Variants in RSPH9 observed in about 807,000 individuals in gnomAD.
The protein encoded by RSPH9 is radial spoke head protein 9 homolog.
A neutral mutation model predicts 27.0 loss-of-function variants in RSPH9; 27 were observed. That is an observed-to-expected ratio of 1.00 (90% CI 0.74 to 1.38). The LOEUF is 1.38. RSPH9 is among the 40% of genes most tolerant of loss of function. RSPH9 has a pLI of 0.00. For synonymous variants in RSPH9, 145 were observed against 147.7 expected, an observed-to-expected ratio of 0.98 and a Z score of 0.13; for missense variants, 347 against 357.4, an observed-to-expected ratio of 0.97 and a Z score of 0.24.
At chr6:43,669,103 AG>A (rs1773439904) in intron 4 of RSPH9, among the ~76,000 whole-genome samples, 1 of 152,218 alleles carries the variant, frequency 6.6e-6, no homozygotes, top group Non-Finnish European at 1.5e-5. Flanking sequence ...TTTAAGAGTC[AG>A]GGGAAATACT....
At chr6:43,651,372 G>A (rs1177082002) in intron 2 of RSPH9, among the ~76,000 whole-genome samples, 4 of 152,048 alleles carry the variant, frequency 2.6e-5, no homozygotes, top group Non-Finnish European at 4.4e-5. Flanking sequence ...GTACTCTGGG[G>A]TCAGGGAATG....
At chr6:43,647,790 C>A (rs970841381) in intron 1 of RSPH9, among the ~76,000 whole-genome samples, 1 of 152,188 alleles carries the variant, frequency 6.6e-6, no homozygotes, top group Non-Finnish European at 1.5e-5. Flanking sequence ...TGCTGAGCAC[C>A]TACTATGTGC....
intron 1 of RSPH9, among the ~76,000 whole-genome samples, chr6:43,648,270 A>G (rs898077444): frequency 7.8e-6 from 1 of 128,022 alleles, no homozygotes; most frequent in Non-Finnish European, 1.7e-5. Flanking sequence ...ACTCTGTCTC[A>G]AAAAAAAAAA....
chr6:43,666,853 T>C (rs985707205), intron 4 of RSPH9, among the ~76,000 whole-genome samples: 2 of 152,204 alleles, frequency 1.3e-5, no homozygotes, highest in African/African-American at 4.8e-5. Context: ...GTTCAAGCAA[T>C]TCTCCTGCCT....
chr6:43,645,941 C>T (rs564313597), intron 1 of RSPH9, among the ~76,000 whole-genome samples: 3 of 152,114 alleles, frequency 2.0e-5, no homozygotes, highest in Admixed American at 2.0e-4. Context: ...CATACAGGAC[C>T]ATCCAGCTAT....
At chr6:43,662,299 T>C (rs1328978640) in intron 4 of RSPH9, among the ~76,000 whole-genome samples, 1 of 152,202 alleles carries the variant, frequency 6.6e-6, no homozygotes, top group African/African-American at 2.4e-5. Context: ...AAGAGAAGGT[T>C]GTGGCCGGTT....
chr6:43,670,697 C>T lies in RSPH9; in HGVS notation c.671-92C>T. On this transcript the variant is annotated intron_variant, in intron 4 of 4. Transcript: ENST00000372163. Reference sequence around the variant, plus strand: ...CCCAGTGGAACCATAGCACCTGGGCCTGGCTGCCCAAGGAGCCAGGGGCCA... The same window carrying T: ...CCCAGTGGAACCATAGCACCTGGGCTTGGCTGCCCAAGGAGCCAGGGGCCA... The T allele has an allele frequency of 2.7e-6, 3 of 1,131,834 alleles. No homozygotes were observed. In the South Asian group the frequency reaches 3.9e-5, roughly 15 times the overall value. 70.1% of individuals were successfully genotyped at this position (1,131,834 alleles called of 1,614,324 possible).
chr6:43,665,164 G>C (rs1333699973), intron 4 of RSPH9, among the ~76,000 whole-genome samples: 1 of 152,224 alleles, frequency 6.6e-6, no homozygotes, highest in Non-Finnish European at 1.5e-5. Context: ...GAGGGTGATA[G>C]AGCTTCTGCA....
At position 43,672,125 on chromosome 6, in the gene RSPH9, G is replaced by T. The variant is rs867982037; in HGVS notation, c.*1176G>T. 1 of 607,204 alleles carries T rather than the reference G, an allele frequency of 1.6e-6. No homozygotes were observed. Among genetic ancestry groups the T allele is most frequent in the East Asian group, 2.9e-5 (1 of 34,984 alleles). 37.6% of individuals were successfully genotyped at this position (607,204 alleles called of 1,614,324 possible). On this transcript the variant is annotated 3_prime_UTR_variant, in exon 5 of 5. Coordinates refer to ENST00000372163, the MANE Select transcript of RSPH9 (RefSeq NM_152732.5). ...TGCTGCCGCAAGCCTGTGTGGCCAG[G>T]TTCAGGCAGCCCAGGGCCACAAGCT...
intron 2 of RSPH9, among the ~76,000 whole-genome samples, chr6:43,653,981 C>T (rs578260313): frequency 1.8e-4 from 28 of 152,216 alleles, no homozygotes; most frequent in African/African-American, 5.8e-4. Flanking sequence ...CGTGAGCCAC[C>T]GGGCCCAGCC....
At position 43,670,984 on chromosome 6, in the gene RSPH9, C is replaced by A; in HGVS notation, c.*35C>A. 6.2e-7 allele frequency: 1 copy of A among 1,613,442 alleles called. No homozygotes were observed. The highest frequency in any genetic ancestry group is 8.5e-7 in the Non-Finnish European group (1 of 1,179,688). ...CAGCCTGGATGTTTTTAAACAGAGT[C>A]TAAACATGATTTTCTTAAGCTTCAG... On this transcript the variant is annotated 3_prime_UTR_variant, in exon 5 of 5. Transcript: ENST00000372163.
At chr6:43,667,464 C>G (rs1773258443) in intron 4 of RSPH9, among the ~76,000 whole-genome samples, 1 of 152,184 alleles carries the variant, frequency 6.6e-6, no homozygotes, top group Admixed American at 6.5e-5. Context: ...AAAGCTGCTG[C>G]TGGTGGTGGT....
chr6:43,669,682 G>A (rs970173926), intron 4 of RSPH9, among the ~76,000 whole-genome samples: 1 of 152,248 alleles, frequency 6.6e-6, no homozygotes, highest in African/African-American at 2.4e-5. Context: ...TGGGCCGGGA[G>A]AGGCCTCAGT....
chr6:43,662,951 T>A (rs2127923204), intron 4 of RSPH9, among the ~76,000 whole-genome samples: 1 of 148,720 alleles, frequency 6.7e-6, no homozygotes, highest in South Asian at 2.1e-4. Context: ...GCAATAGGTG[T>A]GTGCACCATA....
intron 4 of RSPH9, among the ~76,000 whole-genome samples, chr6:43,662,710 A>G (rs920560069): frequency 1.3e-5 from 2 of 152,044 alleles, no homozygotes; most frequent in Non-Finnish European, 2.9e-5. Flanking sequence ...CTGGAGTTGC[A>G]CTTTTAATTT....
At chr6:43,655,916 A>G (rs1430884654) in intron 3 of RSPH9, among the ~76,000 whole-genome samples, 2 of 152,054 alleles carry the variant, frequency 1.3e-5, no homozygotes, top group Non-Finnish European at 2.9e-5. Context: ...GTGGGAGAGC[A>G]TATAGTCCCT....
chr6:43,655,816 A>C, intron 3 of RSPH9, 125 bp downstream of exon 3: 4 of 1,170,988 alleles, frequency 3.4e-6, no homozygotes, highest in Non-Finnish European at 5.0e-6. Context: ...CTGTGACCTT[A>C]TCACCTGGGA....
At chr6:43,652,400 A>T (rs960429451) in intron 2 of RSPH9, among the ~76,000 whole-genome samples, 2 of 150,232 alleles carry the variant, frequency 1.3e-5, no homozygotes, top group Non-Finnish European at 3.0e-5. Context: ...AGATCTTTCT[A>T]TATCAGTGTC....
intron 2 of RSPH9, among the ~76,000 whole-genome samples, chr6:43,653,008 T>TG (rs138016338): frequency 0.045 from 6,751 of 151,560 alleles, 229 homozygotes; most frequent in African/African-American, 0.095. Flanking sequence ...TTTGTAGAGA[T>TG]GGGGTCTTGC....
Sources: allele counts gnomAD v4.1 joint callset (sites outside exome capture counted in the v4.1 genomes callset), GRCh38; gene constraint gnomAD v4.1.1; transcripts MANE v1.5; gene names NCBI Gene and HGNC (gene_info 2026-07-23, HGNC 2026-07-21).